The following GPR149 variants were observed in gnomAD, a reference collection of about 807,000 sequenced individuals.
The protein encoded by GPR149 is G protein-coupled receptor 149, also known as probable G protein-coupled receptor 149.
A neutral mutation model predicts 50.2 loss-of-function variants in GPR149; 50 were observed. The observed-to-expected ratio is 1.00, with a 90% CI of 0.79 to 1.26. The LOEUF is 1.26. GPR149 is among the 50% of genes most tolerant of loss of function. The pLI is 0.00. For synonymous variants in GPR149, 405 were observed against 358.2 expected (o/e 1.13, Z -1.48); for missense variants, 983 against 895.4 (o/e 1.10, Z -1.25).
At chr3:154,371,578 A>G (rs1714663549) in intron 3 of GPR149, among the ~76,000 whole-genome samples, 1 of 152,150 alleles carries the variant, frequency 6.6e-6, no homozygotes, top group African/African-American at 2.4e-5. Flanking sequence ...TAGTGACCCT[A>G]CAAAGCCAGC....
intron 3 of GPR149, among the ~76,000 whole-genome samples, chr3:154,362,285 T>C (rs1714426118): frequency 1.6e-5 from 1 of 61,782 alleles, no homozygotes; most frequent in Non-Finnish European, 2.8e-5. Context: ...CAAGACTCCG[T>C]CTCAAAAAAA....
At position 154,340,744 on chromosome 3, in the gene GPR149, CAG is replaced by C. The variant is rs1288442136; in HGVS notation, c.1624-2475_1624-2474del. On this transcript the variant is annotated intron_variant, in intron 3 of 3. Transcript: ENST00000389740. ...TAGTTTTGTTTGTTTGTTTTTGAGA[CAG>C]AGTCTTGCTCTGTTACCCAGGCTGG... is the stretch of plus-strand genomic sequence containing the variant. 7.9e-5 allele frequency among the ~76,000 whole-genome samples: 12 copies of C among 152,294 alleles called. No individual in the cohort carries two copies. The East Asian group carries it at 1.9e-3, about 25-fold the overall frequency.
intron 3 of GPR149, among the ~76,000 whole-genome samples, chr3:154,350,775 G>C (rs1224578162): frequency 6.6e-6 from 1 of 152,072 alleles, no homozygotes; most frequent in African/African-American, 2.4e-5. Context: ...GTATCTGTGG[G>C]GGATTGGTTC....
At chr3:154,342,982 G>T (rs1445348087) in intron 3 of GPR149, among the ~76,000 whole-genome samples, 2 of 152,154 alleles carry the variant, frequency 1.3e-5, no homozygotes, top group Non-Finnish European at 2.9e-5. Flanking sequence ...ACAATCTAAA[G>T]ATCTACATTT....
intron 2 of GPR149, among the ~76,000 whole-genome samples, chr3:154,426,451 A>T (rs7614773): frequency 0.48 from 73,073 of 151,536 alleles, 17,981 homozygotes; most frequent in African/African-American, 0.6. Context: ...TGGACTGTTT[A>T]AATTTAACCT....
intron 3 of GPR149, among the ~76,000 whole-genome samples, chr3:154,346,595 C>CT (rs1553762327): frequency 6.6e-6 from 1 of 150,994 alleles, no homozygotes; most frequent in African/African-American, 2.4e-5. Context: ...TTTTTCTTTT[C>CT]TTTTCTTTTT....
rs542753227 is a variant in GPR149 at position 154,350,404 on chromosome 3, T to C, written c.1624-12133A>G. 2.0e-5 allele frequency among the ~76,000 whole-genome samples: 3 copies of C among 152,216 alleles called. No individual in the cohort carries two copies. The East Asian group carries it at 5.8e-4, about 29-fold the overall frequency. Reference sequence around the variant, plus strand: ...TCATTTGTACTTCTATGACTAGCAATGAACTCTTGGACATCAAAATAAAAA... The same window carrying C: ...TCATTTGTACTTCTATGACTAGCAACGAACTCTTGGACATCAAAATAAAAA... On this transcript the variant is annotated intron_variant, in intron 3 of 3. Coordinates refer to ENST00000389740, the MANE Select transcript of GPR149 (RefSeq NM_001038705.3).
At chr3:154,342,441 G>T (rs1359886520) in intron 3 of GPR149, among the ~76,000 whole-genome samples, 1 of 152,186 alleles carries the variant, frequency 6.6e-6, no homozygotes, top group Non-Finnish European at 1.5e-5. Context: ...GTCTTGCTCT[G>T]TTACCCAGGC....
chr3:154,397,597 T>C (rs1377561557), intron 3 of GPR149, among the ~76,000 whole-genome samples: 1 of 152,184 alleles, frequency 6.6e-6, no homozygotes, highest in Admixed American at 6.5e-5. Context: ...TTCCATCTAT[T>C]GTATCTATAT....
At chr3:154,411,560 A>G (rs1359005412) in intron 3 of GPR149, among the ~76,000 whole-genome samples, 2 of 152,130 alleles carry the variant, frequency 1.3e-5, no homozygotes, top group African/African-American at 4.8e-5. Context: ...ATTCAAGGCT[A>G]CTGTGAATGC....
intron 3 of GPR149, among the ~76,000 whole-genome samples, chr3:154,381,692 T>C (rs1320692817): frequency 6.6e-6 from 1 of 152,164 alleles, no homozygotes; most frequent in Non-Finnish European, 1.5e-5. Context: ...TTTAGGATGT[T>C]TGGTGGAACT....
intron 3 of GPR149, among the ~76,000 whole-genome samples, chr3:154,388,032 G>A (rs1336389403): frequency 1.3e-5 from 2 of 152,036 alleles, no homozygotes; most frequent in African/African-American, 4.8e-5. Context: ...TTAAAATAAA[G>A]AAATAATCAT....
chr3:154,352,875 A>G lies in GPR149; in HGVS notation c.1624-14604T>C, dbSNP rs575979092. 1,247 of 928,968 alleles carry G rather than the reference A, an allele frequency of 1.3e-3. 16 individuals are homozygous for G. The highest frequency in any genetic ancestry group is 0.011 in the South Asian group (836 of 77,312). The allele number at this position is 928,968 out of a possible 1,614,324, so 57.5% of individuals were successfully genotyped here. ...TTTCTCTTGGTTGATAAAAACATAT[A>G]CAAATCCCTGTCCAGCTCTACCTGT... On this transcript the variant is annotated intron_variant, in intron 3 of 3. Coordinates refer to ENST00000389740, the MANE Select transcript of GPR149 (RefSeq NM_001038705.3).
intron 3 of GPR149, among the ~76,000 whole-genome samples, chr3:154,376,091 G>A (rs1212439756): frequency 6.6e-6 from 1 of 152,172 alleles, no homozygotes; most frequent in African/African-American, 2.4e-5. Flanking sequence ...AATGATGTGA[G>A]CCAAATTCTA....
At chr3:154,339,420 C>G (rs1202682947) in intron 3 of GPR149, among the ~76,000 whole-genome samples, 1 of 152,152 alleles carries the variant, frequency 6.6e-6, no homozygotes, top group Non-Finnish European at 1.5e-5. Flanking sequence ...CTTGTAAAAC[C>G]TACAGTTACT....
intron 3 of GPR149, among the ~76,000 whole-genome samples, chr3:154,403,406 G>T (rs1442611079): frequency 6.6e-6 from 1 of 152,166 alleles, no homozygotes; most frequent in Non-Finnish European, 1.5e-5. Context: ...GGGCTTGAGG[G>T]TGTCAGCGCT....
At position 154,407,693 on chromosome 3, in the gene GPR149, T is replaced by TACACATACACACAC. The variant is rs1553766400; in HGVS notation, c.1623+13345_1623+13346insGTGTGTGTATGTGT. Among the ~76,000 whole-genome samples, 1,191 of 140,032 alleles carry TACACATACACACAC rather than the reference T, an allele frequency of 8.5e-3. 14 individuals are homozygous for TACACATACACACAC. Among genetic ancestry groups the TACACATACACACAC allele is most frequent in the African/African-American group, 0.032 (1,135 of 35,376 alleles). The allele number at this position is 140,032 out of a possible 152,430, so 91.9% of individuals were successfully genotyped here. ...TTCATGTGTGTATATGTCATGTGTA[T>TACACATACACACAC]ACACACACACACACACACACACACA... On this transcript the variant is annotated intron_variant, in intron 3 of 3. Coordinates refer to ENST00000389740, the MANE Select transcript of GPR149 (RefSeq NM_001038705.3).
At chr3:154,377,823 C>A (rs1714828014) in intron 3 of GPR149, among the ~76,000 whole-genome samples, 1 of 152,058 alleles carries the variant, frequency 6.6e-6, no homozygotes, top group South Asian at 2.1e-4. Flanking sequence ...CCATTATATC[C>A]CACAGAAATT....
In GPR149 at chr3:154,429,574, G is replaced by A. The variant is rs747889337; in HGVS notation, c.42C>T (p.Ser14=). Residue 14 remains serine (S), a synonymous_variant, in exon 1 of 4, where the codon AGC becomes AGT. Coordinates refer to ENST00000389740, the MANE Select transcript of GPR149 (RefSeq NM_001038705.3). ...TAGAATTATGATTCTCTTTCCACAG[G>A]CTAGAGTCATTTGTTGATAAGTTAC... ...FLSNLSTNDS[S]LWKENHNSTD... is the part of the protein sequence containing the mutation. 9.2e-5 allele frequency: 149 copies of A among 1,613,098 alleles called. No homozygotes were observed. The highest frequency in any genetic ancestry group is 1.2e-4 in the Admixed American group (7 of 59,976).
Sources: gnomAD v4.1 joint callset for allele counts (sites outside exome capture counted in the v4.1 genomes callset) on GRCh38, gnomAD v4.1.1 for gene constraint, MANE v1.5 for transcripts, NCBI Gene and HGNC (gene_info 2026-07-23, HGNC 2026-07-21) for gene names.